TAFA5: variants seen among roughly 807,000 people sequenced by gnomAD.
TAFA5 encodes TAFA chemokine like family member 5.
In TAFA5, 6 loss-of-function variants were observed where a neutral mutation model predicts 15.3. That is an observed-to-expected ratio of 0.39 (90% CI 0.21 to 0.77). The LOEUF is 0.77. Among genes scored for constraint, TAFA5 ranks in the 30% least tolerant of loss-of-function variants. The probability of loss-of-function intolerance (pLI) is 0.41; values close to 1 mark genes in which losing one functional copy is unlikely to be tolerated. For synonymous variants in TAFA5, 103 were observed against 80.7 expected, an observed-to-expected ratio of 1.28 and a Z score of -1.48; for missense variants, 161 against 193.1, an observed-to-expected ratio of 0.83 and a Z score of 0.98.
At chr22:48,736,737 G>A (rs1231661472) in intron 3 of TAFA5, among the ~76,000 whole-genome samples, 2 of 152,212 alleles carry the variant, frequency 1.3e-5, no homozygotes, top group Non-Finnish European at 2.9e-5. Flanking sequence ...GCCAGTCACC[G>A]AAGTCTGCCC....
At chr22:48,602,012 G>A (rs1924992150) in intron 1 of TAFA5, among the ~76,000 whole-genome samples, 1 of 152,186 alleles carries the variant, frequency 6.6e-6, no homozygotes, top group African/African-American at 2.4e-5. Context: ...CTGTGAGTGG[G>A]CACGCTGGTG....
chr22:48,588,444 G>A (rs965756532), intron 1 of TAFA5, among the ~76,000 whole-genome samples: 12 of 152,186 alleles, frequency 7.9e-5, no homozygotes, highest in African/African-American at 2.2e-4. Flanking sequence ...GAGGCATTGG[G>A]GGAAGGAAGG....
intron 1 of TAFA5, among the ~76,000 whole-genome samples, chr22:48,500,659 C>T (rs560597201): frequency 4.6e-5 from 7 of 152,348 alleles, no homozygotes; most frequent in Non-Finnish European, 7.3e-5. Context: ...GCCTGACTTG[C>T]GCTTCCCGTG....
chr22:48,517,499 C>G (rs1921452767), intron 1 of TAFA5, among the ~76,000 whole-genome samples: 1 of 152,226 alleles, frequency 6.6e-6, no homozygotes, highest in Non-Finnish European at 1.5e-5. Context: ...TGAGCCCAGG[C>G]TCCTGTAGGG....
intron 1 of TAFA5, among the ~76,000 whole-genome samples, chr22:48,571,204 T>C (rs1923568864): frequency 6.6e-6 from 1 of 152,120 alleles, no homozygotes. Flanking sequence ...GAAGCCAGTG[T>C]TTCTAAAGCA....
At chr22:48,642,726 A>T (rs1341386172) in intron 1 of TAFA5, among the ~76,000 whole-genome samples, 1 of 151,884 alleles carries the variant, frequency 6.6e-6, no homozygotes, top group African/African-American at 2.4e-5. Context: ...ATGCTGACCC[A>T]TGTGTGTGGG....
rs989726467 is a variant in TAFA5, at chr22:48,566,658, T to C, written c.112+76954T>C. Among the ~76,000 whole-genome samples, 3 of 152,158 alleles carry C rather than the reference T, an allele frequency of 2.0e-5. No homozygotes were observed. Among genetic ancestry groups the C allele is most frequent in the African/African-American group, 7.2e-5 (3 of 41,430 alleles). ...GTTGCTGAGCTGCCTCAGCCTTAGT[T>C]TCCTCAGCAATACGTTGGGGGGTGG... On this transcript the variant is annotated intron_variant, in intron 1 of 3. Coordinates refer to ENST00000402357, the MANE Select transcript of TAFA5 (RefSeq NM_001082967.3). The surrounding 1 kb of genome is among the most constrained non-coding windows in gnomAD (Gnocchi z 4.5).
rs5771966 is a variant in TAFA5 at position 48,628,468 on chromosome 22, C to G, written c.113-18129C>G. ...GTTCAGATCATGTCGCCGATCACAGCTTCCTCTGCAGGTACCCAGGTGCCC... is the reference window on the plus strand; with the variant it reads ...GTTCAGATCATGTCGCCGATCACAGGTTCCTCTGCAGGTACCCAGGTGCCC... On this transcript the variant is annotated intron_variant, in intron 1 of 3. Coordinates refer to ENST00000402357, the MANE Select transcript of TAFA5 (RefSeq NM_001082967.3). 2.8e-3 allele frequency among the ~76,000 whole-genome samples: 433 copies of G among 152,354 alleles called. 2 individuals are homozygous for G. Among genetic ancestry groups the G allele is most frequent in the African/African-American group, 9.6e-3 (400 of 41,596 alleles).
At chr22:48,687,939 C>T (rs555058349) in intron 2 of TAFA5, among the ~76,000 whole-genome samples, 1 of 152,256 alleles carries the variant, frequency 6.6e-6, no homozygotes, top group African/African-American at 2.4e-5. Flanking sequence ...GGCTGCCTCT[C>T]CTGTCTTCTC....
At chr22:48,585,314 A>G (rs889506283) in intron 1 of TAFA5, among the ~76,000 whole-genome samples, 1 of 151,064 alleles carries the variant, frequency 6.6e-6, no homozygotes. Flanking sequence ...CCACATACAC[A>G]TACAAAATAT....
chr22:48,611,246 G>C (rs900141750), intron 1 of TAFA5, among the ~76,000 whole-genome samples: 2 of 152,216 alleles, frequency 1.3e-5, no homozygotes, highest in Admixed American at 1.3e-4. Flanking sequence ...ATTTTTGATA[G>C]CTTTGAAAAC....
intron 1 of TAFA5, among the ~76,000 whole-genome samples, chr22:48,616,764 G>C (rs1007005822): frequency 6.6e-6 from 1 of 152,240 alleles, no homozygotes; most frequent in Non-Finnish European, 1.5e-5. Context: ...GGTGGGAATA[G>C]GGAACAGGGA....
At chr22:48,536,077 G>A (rs889712961) in intron 1 of TAFA5, among the ~76,000 whole-genome samples, 8 of 152,244 alleles carry the variant, frequency 5.3e-5, no homozygotes, top group African/African-American at 1.4e-4. Flanking sequence ...GCTTGGTGCC[G>A]CATGCAGCGA....
intron 1 of TAFA5, among the ~76,000 whole-genome samples, chr22:48,495,612 G>A (rs373026261): frequency 4.6e-5 from 7 of 152,098 alleles, no homozygotes; most frequent in African/African-American, 4.8e-5. Context: ...GCACCCAGCC[G>A]GCATGTCCAT....
intron 2 of TAFA5, among the ~76,000 whole-genome samples, chr22:48,660,574 T>C (rs944412708): frequency 6.6e-6 from 1 of 152,220 alleles, no homozygotes; most frequent in Non-Finnish European, 1.5e-5. Context: ...CAAAATGCTG[T>C]GGCGTTGGAG....
chr22:48,708,379 G>A (rs1381785172), intron 3 of TAFA5, among the ~76,000 whole-genome samples: 1 of 152,196 alleles, frequency 6.6e-6, no homozygotes, highest in Non-Finnish European at 1.5e-5. Flanking sequence ...CCCTGAGTGG[G>A]GCATGCAGTG....
chr22:48,615,253 C>T (rs890658534), intron 1 of TAFA5, among the ~76,000 whole-genome samples: 4 of 152,194 alleles, frequency 2.6e-5, no homozygotes, highest in Non-Finnish European at 4.4e-5. Context: ...TCTGCAGCCC[C>T]TGCCTTTGTG....
At chr22:48,704,523 G>A (rs553178678) in intron 2 of TAFA5, among the ~76,000 whole-genome samples, 4 of 152,270 alleles carry the variant, frequency 2.6e-5, no homozygotes, top group South Asian at 2.1e-4. Flanking sequence ...GCTGTCCCTC[G>A]GGGTTGGTGG....
rs909088626 is a variant in TAFA5, at chr22:48,585,205, CCACA to C, written c.113-61383_113-61380del. On this transcript the variant is annotated intron_variant, in intron 1 of 3. Coordinates refer to ENST00000402357, the MANE Select transcript of TAFA5 (RefSeq NM_001082967.3). ...GTGCACACATACCACATGCCAAACA[CCACA>C]CACACACAGAAACCCACAAACATAC... 9.2e-5 allele frequency among the ~76,000 whole-genome samples: 13 copies of C among 140,756 alleles called. No homozygotes were observed. The South Asian group carries it at 1.6e-3, about 18-fold the overall frequency. 92.3% of individuals were successfully genotyped at this position (140,756 alleles called of 152,430 possible). A position where few individuals can be genotyped will look rare whatever the true frequency, so the allele number is the denominator to read the frequency against.
Sources: gnomAD v4.1 joint callset for allele counts (sites outside exome capture counted in the v4.1 genomes callset) on GRCh38, gnomAD v4.1.1 for gene constraint, Gnocchi (gnomAD v3.1) non-coding constraint, MANE v1.5 for transcripts, NCBI Gene and HGNC (gene_info 2026-07-23, HGNC 2026-07-21) for gene names.